LRRC4C: variants seen among roughly 807,000 people sequenced by gnomAD.
LRRC4C encodes leucine rich repeat containing 4C.
Under a neutral mutation model 33.6 loss-of-function variants are expected in LRRC4C, and 5 were observed. The ratio of observed to expected loss-of-function variants is 0.15; its 90% CI spans 0.08 to 0.31. The LOEUF is 0.31. Ranked by LOEUF, LRRC4C falls within the 10% of genes least tolerant of loss-of-function variation. The pLI is 1.00. For synonymous variants in LRRC4C, 329 were observed against 302.0 expected (o/e 1.09, Z -0.93); for missense variants, 560 against 796.7 (o/e 0.70, Z 3.58).
chr11:40,548,099 G>T (rs1956997490), intron 3 of LRRC4C, among the ~76,000 whole-genome samples: 1 of 152,054 alleles, frequency 6.6e-6, no homozygotes, highest in African/African-American at 2.4e-5. Flanking sequence ...GCATATGTAG[G>T]TTGGGGAATT....
At chr11:40,868,156 A>T (rs931530514) in intron 2 of LRRC4C, among the ~76,000 whole-genome samples, 1 of 152,152 alleles carries the variant, frequency 6.6e-6, no homozygotes, top group South Asian at 2.1e-4. Flanking sequence ...AACTGTGTGC[A>T]CATTGGAATG....
chr11:40,167,107 C>G (rs1859659425), intron 5 of LRRC4C, among the ~76,000 whole-genome samples: 2 of 152,120 alleles, frequency 1.3e-5, no homozygotes, highest in Non-Finnish European at 2.9e-5. Context: ...TGACCGTTGG[C>G]CTTATCACTC....
At chr11:40,673,813 T>C (rs1944250426) in intron 2 of LRRC4C, among the ~76,000 whole-genome samples, 1 of 152,162 alleles carries the variant, frequency 6.6e-6, no homozygotes, top group South Asian at 2.1e-4. Context: ...CATTACATGG[T>C]TTGAGAGCCA....
chr11:40,623,402 G>A (rs1337321380), intron 3 of LRRC4C, among the ~76,000 whole-genome samples: 1 of 151,762 alleles, frequency 6.6e-6, no homozygotes, highest in Non-Finnish European at 1.5e-5. Context: ...TAGCAACAGG[G>A]GAATCTCTCT....
intron 3 of LRRC4C, among the ~76,000 whole-genome samples, chr11:40,575,880 G>A (rs115906230): frequency 0.023 from 3,467 of 152,146 alleles, 135 homozygotes; most frequent in African/African-American, 0.079. Context: ...TAATGTGTAT[G>A]GACAGATTGC....
At chr11:40,351,395 C>A (rs759225310) in intron 3 of LRRC4C, among the ~76,000 whole-genome samples, 1 of 151,894 alleles carries the variant, frequency 6.6e-6, no homozygotes, top group Admixed American at 6.6e-5. Context: ...ATGAAATATT[C>A]ATAAATATTT....
At chr11:40,456,282 T>C (rs1193701798) in intron 3 of LRRC4C, among the ~76,000 whole-genome samples, 1 of 152,172 alleles carries the variant, frequency 6.6e-6, no homozygotes, top group Admixed American at 6.6e-5. Flanking sequence ...TATCTATATG[T>C]ATATTGTAGC....
intron 2 of LRRC4C, among the ~76,000 whole-genome samples, chr11:40,668,936 A>C (rs1565618604): frequency 2.0e-5 from 3 of 152,200 alleles, no homozygotes; most frequent in Non-Finnish European, 2.9e-5. Flanking sequence ...GATAACTTAT[A>C]AGGGCAAACA....
At chr11:41,114,218 A>G (rs1323193590) in intron 1 of LRRC4C, among the ~76,000 whole-genome samples, 1 of 152,016 alleles carries the variant, frequency 6.6e-6, no homozygotes, top group Non-Finnish European at 1.5e-5. Context: ...TTTCCAAGAA[A>G]ATTTTCAATG....
intron 4 of LRRC4C, among the ~76,000 whole-genome samples, chr11:40,310,630 A>G (rs890373732): frequency 9.9e-5 from 15 of 152,184 alleles, no homozygotes; most frequent in African/African-American, 3.6e-4. Context: ...TATGTGGCAG[A>G]TACTGTGCTA....
In LRRC4C at chr11:41,037,480, A is replaced by G. The variant is rs896477719; in HGVS notation, c.-495-103757T>C. Among the ~76,000 whole-genome samples, 14 of 152,034 alleles carry G rather than the reference A, an allele frequency of 9.2e-5. No individual in the cohort carries two copies. In the South Asian group the frequency reaches 1.5e-3, roughly 16 times the overall value. On this transcript the variant is annotated intron_variant, in intron 1 of 6. Coordinates refer to ENST00000528697, the MANE Select transcript of LRRC4C (RefSeq NM_001258419.2). ...TTGGCCTCCCAAAGTGTGAGATTAC[A>G]GGTGTGAGCCACTGTGCCTGACCCT... is the stretch of plus-strand genomic sequence containing the variant.
intron 5 of LRRC4C, among the ~76,000 whole-genome samples, chr11:40,228,248 A>G (rs573933350): frequency 6.6e-6 from 1 of 152,350 alleles, no homozygotes; most frequent in South Asian, 2.1e-4. Context: ...TATTTACTGA[A>G]TAATCTCCAC....
chr11:40,965,085 T>A (rs1281462972), intron 1 of LRRC4C, among the ~76,000 whole-genome samples: 1 of 152,156 alleles, frequency 6.6e-6, no homozygotes, highest in Admixed American at 6.6e-5. Context: ...AGATGGTATC[T>A]CATTGTGGTT....
rs997907013 is a variant in LRRC4C, at chr11:40,373,842, C to T, written c.-269-54121G>A. Among the ~76,000 whole-genome samples, 5 of 152,310 alleles carry T rather than the reference C, an allele frequency of 3.3e-5. No individual in the cohort carries two copies. The East Asian group carries it at 9.7e-4, about 29-fold the overall frequency. On this transcript the variant is annotated intron_variant, in intron 3 of 6. Coordinates refer to ENST00000528697, the MANE Select transcript of LRRC4C (RefSeq NM_001258419.2). ...CTTCTGCCACAAGTTAAAGCTCCCC[C>T]AGTCCTCATCAGAAGCAAAGCGTAC...
At chr11:40,717,273 AT>A (rs59205744) in intron 2 of LRRC4C, among the ~76,000 whole-genome samples, 42,234 of 141,266 alleles carry the variant, frequency 0.3, 6,187 homozygotes, top group Admixed American at 0.36. Context: ...ATGTATGTGT[AT>A]TTTTTTTTTT....
At chr11:40,688,921 T>C (rs560414896) in intron 2 of LRRC4C, among the ~76,000 whole-genome samples, 2 of 152,232 alleles carry the variant, frequency 1.3e-5, no homozygotes, top group East Asian at 1.9e-4. Context: ...CAGCATGTAC[T>C]TCACCGAGGT....
intron 1 of LRRC4C, among the ~76,000 whole-genome samples, chr11:41,019,650 G>A (rs570799380): frequency 2.6e-4 from 39 of 152,182 alleles, no homozygotes; most frequent in Admixed American, 2.0e-3. Context: ...GTGTAAAAGC[G>A]TTCTTATTTA....
At chr11:40,658,097 A>T (rs1302073605) in intron 2 of LRRC4C, among the ~76,000 whole-genome samples, 1 of 152,238 alleles carries the variant, frequency 6.6e-6, no homozygotes, top group Non-Finnish European at 1.5e-5. Flanking sequence ...ATTAAAATAA[A>T]GAATGTTATC....
At chr11:40,904,555 T>G (rs1956338017) in intron 2 of LRRC4C, among the ~76,000 whole-genome samples, 1 of 152,024 alleles carries the variant, frequency 6.6e-6, no homozygotes, top group African/African-American at 2.4e-5. Context: ...ATATGCAAAG[T>G]TAAAAATATT....
Sources: allele counts gnomAD v4.1 joint callset (sites outside exome capture counted in the v4.1 genomes callset), GRCh38; gene constraint gnomAD v4.1.1; transcripts MANE v1.5; gene names NCBI Gene and HGNC (gene_info 2026-07-23, HGNC 2026-07-21).